The following GRAMD1C variants were observed in gnomAD, a reference collection of about 807,000 sequenced individuals.
GRAMD1C encodes the protein GRAM domain containing 1C, also known as protein Aster-C.
GRAMD1C carries 89 observed loss-of-function variants against 97.8 expected under a neutral mutation model. The observed-to-expected ratio is 0.91, with a 90% CI of 0.77 to 1.09. The LOEUF (loss-of-function observed/expected upper bound fraction) is 1.09, where lower values mean the gene tolerates loss of function less well. GRAMD1C is among the 50% of genes least tolerant of loss of function. The pLI, the probability that GRAMD1C is intolerant of heterozygous loss-of-function variation, is 0.00. For synonymous variants in GRAMD1C, 256 were observed against 267.0 expected, an observed-to-expected ratio of 0.96 and a Z score of 0.40; for missense variants, 740 against 766.4, an observed-to-expected ratio of 0.97 and a Z score of 0.41.
upstream of GRAMD1C, among the ~76,000 whole-genome samples, chr3:113,837,119 T>A (rs1056091692): frequency 6.6e-6 from 1 of 151,112 alleles, no homozygotes; most frequent in African/African-American, 2.4e-5. Context: ...CTTCCCTCTC[T>A]CTCTCTTTCT....
At chr3:113,943,682 G>A (rs979805414) in intron 17 of GRAMD1C, among the ~76,000 whole-genome samples, 1 of 152,200 alleles carries the variant, frequency 6.6e-6, no homozygotes, top group Non-Finnish European at 1.5e-5. Context: ...GGGAGGCCAA[G>A]GCAGGCAGAT....
In GRAMD1C at chr3:113,928,861, T is replaced by C. The variant is rs887926748; in HGVS notation, c.1091-1853T>C. ...GCATGTATATACCACATTTTGTTTA[T>C]CCGTTCATCCATTAATGACATCTGG... On this transcript the variant is annotated intron_variant, in intron 10 of 17. Transcript: ENST00000358160. 8.5e-5 allele frequency among the ~76,000 whole-genome samples: 13 copies of C among 152,230 alleles called. No individual in the cohort carries two copies. In the South Asian group the frequency reaches 1.7e-3, roughly 19 times the overall value.
rs776750140 is a variant in GRAMD1C at position 113,930,838 on chromosome 3, TCTGCTTTGTC to T, written c.1209+7_1209+16del. 1.0e-4 allele frequency: 147 copies of T among 1,417,400 alleles called. 1 individual carries two copies. The South Asian group carries it at 1.5e-3, about 14-fold the overall frequency. 87.8% of individuals were successfully genotyped at this position (1,417,400 alleles called of 1,614,324 possible). ...CTGCTGCCACTGAAAAGCAGGTACG[TCTGCTTTGTC>T]AGTGTCCAGAAGAGTCATGTGTGGG... On this transcript the variant is annotated splice_region_variant and intron_variant, in intron 11 of 17. Coordinates refer to ENST00000358160, the MANE Select transcript of GRAMD1C (RefSeq NM_017577.5).
intron 16 of GRAMD1C, 60 bp downstream of exon 16, chr3:113,940,056 A>T (rs1347216013): frequency 8.8e-6 from 9 of 1,017,436 alleles, no homozygotes; most frequent in Non-Finnish European, 1.4e-5. Flanking sequence ...CTTCAGTTGC[A>T]GAAAACTTAA....
intron 2 of GRAMD1C, chr3:113,850,492 C>G: frequency 1.3e-6 from 2 of 1,536,508 alleles, no homozygotes; most frequent in Non-Finnish European, 1.8e-6. Flanking sequence ...TGAAGATAAT[C>G]ATGGAGATAC....
intron 1 of GRAMD1C, among the ~76,000 whole-genome samples, chr3:113,833,139 T>C (rs1430486541): frequency 6.9e-6 from 1 of 145,780 alleles, no homozygotes; most frequent in Non-Finnish European, 1.5e-5. Flanking sequence ...TTTTTTTGTG[T>C]GTGTGCGTGT....
At chr3:113,920,035 T>G in intron 10 of GRAMD1C, 1 of 867,714 alleles carries the variant, frequency 1.2e-6, no homozygotes, top group Admixed American at 2.1e-5. Flanking sequence ...TAAGGTACTT[T>G]TTGAATTTAG....
In GRAMD1C at chr3:113,946,637, C is replaced by G. The variant is rs1938098356; in HGVS notation, c.*1159C>G. On this transcript the variant is annotated 3_prime_UTR_variant, in exon 18 of 18. Transcript: ENST00000358160. ...GTTTTACTGTTTTGTCTCTTGAGCC[C>G]TTTCTCTGGGGAAAAAATACATATC... The G allele has an allele frequency of 1.3e-5, 2 of 152,176 alleles. No homozygotes were observed. Among genetic ancestry groups the G allele is most frequent in the Non-Finnish European group, 2.9e-5 (2 of 68,026 alleles). 9.4% of individuals were successfully genotyped at this position (152,176 alleles called of 1,614,324 possible).
At chr3:113,843,770 T>C (rs1933482056) in intron 1 of GRAMD1C, among the ~76,000 whole-genome samples, 1 of 152,186 alleles carries the variant, frequency 6.6e-6, no homozygotes, top group Non-Finnish European at 1.5e-5. Flanking sequence ...CACATCTTAT[T>C]TGTTTGTTTA....
At position 113,938,127 on chromosome 3, in the gene GRAMD1C, G is replaced by T; in HGVS notation, c.1675G>T (p.Val559Leu). The T allele has an allele frequency of 6.6e-7, 1 of 1,508,608 alleles. No homozygotes were observed. Among genetic ancestry groups the T allele is most frequent in the Non-Finnish European group, 9.1e-7 (1 of 1,103,080 alleles). 93.5% of individuals were successfully genotyped at this position (1,508,608 alleles called of 1,614,324 possible). The change falls in exon 15 of 18, where the codon GTG becomes TTG. Residue 559 changes from valine to leucine, a missense_variant. Val to Leu is a conservative substitution (Grantham distance 32, BLOSUM62 1). Transcript: ENST00000358160. ...GGAAAACTATAACGTCACTCTTATT[G>T]TGGTAATGAGTATTTTGTAAGTATT... Reference protein sequence around the residue: ...EMENYNVTLIVVMSIFVLLLV... With the variant: ...EMENYNVTLILVMSIFVLLLV...
At chr3:113,886,062 G>C (rs549319638) in intron 6 of GRAMD1C, 13 of 1,445,014 alleles carry the variant, frequency 9.0e-6, no homozygotes, top group East Asian at 8.5e-5. Flanking sequence ...GGGTTGGGGT[G>C]GGGGGGCGGG....
At position 113,885,276 on chromosome 3, in the gene GRAMD1C, C is replaced by T; in HGVS notation, c.540+2444C>T. The T allele has an allele frequency of 2.9e-6, 4 of 1,397,554 alleles. No individual in the cohort carries two copies. The South Asian group carries it at 4.8e-5, about 17-fold the overall frequency. 86.6% of individuals were successfully genotyped at this position (1,397,554 alleles called of 1,614,324 possible). A position where few individuals can be genotyped will look rare whatever the true frequency, so the allele number is the denominator to read the frequency against. ...GCTGGGCCGTGGGGGCCTCCGGGGC[C>T]GGCGGTGCCGGGGTCATCCGGATGG... On this transcript the variant is annotated intron_variant, in intron 6 of 17. Transcript: ENST00000358160.
chr3:113,900,204 C>G (rs956424594), intron 6 of GRAMD1C, among the ~76,000 whole-genome samples: 1 of 151,192 alleles, frequency 6.6e-6, no homozygotes, highest in African/African-American at 2.4e-5. Context: ...ACTAAAAATA[C>G]AAAAATTAGC....
chr3:113,935,738 A>T (rs942092112), intron 13 of GRAMD1C, among the ~76,000 whole-genome samples: 5 of 152,132 alleles, frequency 3.3e-5, no homozygotes, highest in African/African-American at 9.7e-5. Context: ...AAAAAAAATT[A>T]GTTTGGCCAC....
intron 6 of GRAMD1C, among the ~76,000 whole-genome samples, chr3:113,888,427 C>T (rs568691340): frequency 6.6e-6 from 1 of 152,084 alleles, no homozygotes; most frequent in African/African-American, 2.4e-5. Flanking sequence ...ACCATGCTGA[C>T]TACAGTTAAC....
chr3:113,918,248 T>C (rs945157685), intron 10 of GRAMD1C, among the ~76,000 whole-genome samples: 2 of 152,198 alleles, frequency 1.3e-5, no homozygotes, highest in African/African-American at 2.4e-5. Flanking sequence ...TAACTTATTA[T>C]ATTTTTTCGG....
chr3:113,856,613 C>T (rs1176656828), intron 2 of GRAMD1C, among the ~76,000 whole-genome samples: 1 of 152,194 alleles, frequency 6.6e-6, no homozygotes, highest in Non-Finnish European at 1.5e-5. Flanking sequence ...GATCTCAGCT[C>T]ACTGCAGCCT....
chr3:113,882,361 GTA>G (rs1021553579), intron 5 of GRAMD1C, among the ~76,000 whole-genome samples: 6 of 152,004 alleles, frequency 3.9e-5, no homozygotes, highest in African/African-American at 1.4e-4. Context: ...ATTCCTTTGT[GTA>G]TACTTGGCTC....
chr3:113,933,849 C>T (rs940871519), intron 12 of GRAMD1C, among the ~76,000 whole-genome samples, 196 bp downstream of exon 12: 1 of 152,178 alleles, frequency 6.6e-6, no homozygotes. Flanking sequence ...CCCGGAGCTA[C>T]GTGATCCAGA....
Sources: gnomAD v4.1 joint callset for allele counts (sites outside exome capture counted in the v4.1 genomes callset) on GRCh38, gnomAD v4.1.1 for gene constraint, MANE v1.5 for transcripts, NCBI Gene and HGNC (gene_info 2026-07-23, HGNC 2026-07-21) for gene names.